The following CDH18 variants were observed in gnomAD, a reference collection of about 807,000 sequenced individuals.
CDH18 encodes cadherin 18.
CDH18 carries 31 observed loss-of-function variants against 67.9 expected under a neutral mutation model. That is an observed-to-expected ratio of 0.46 (90% CI 0.34 to 0.62). The LOEUF (loss-of-function observed/expected upper bound fraction) is 0.62. CDH18 is among the 20% of genes least tolerant of loss of function. The pLI is 0.01. For missense variants in CDH18, 890 were observed against 975.5 expected (o/e 0.91, Z 1.17); for synonymous variants, 362 against 347.2 (o/e 1.04, Z -0.48).
At chr5:19,733,118 G>C (rs925631321) in intron 4 of CDH18, among the ~76,000 whole-genome samples, 1 of 152,064 alleles carries the variant, frequency 6.6e-6, no homozygotes, top group African/African-American at 2.4e-5. Flanking sequence ...GAAATCCTAG[G>C]CATACCAGGG....
At chr5:20,494,920 G>A (rs897354781) in intron 1 of CDH18, among the ~76,000 whole-genome samples, 5 of 152,106 alleles carry the variant, frequency 3.3e-5, no homozygotes, top group East Asian at 1.9e-4. Flanking sequence ...AGGAGCATTC[G>A]GGGATAGAAT....
intron 3 of CDH18, among the ~76,000 whole-genome samples, chr5:19,747,798 T>A (rs1441950879): frequency 6.6e-6 from 1 of 151,642 alleles, no homozygotes; most frequent in Non-Finnish European, 1.5e-5. Flanking sequence ...AGGGCTTTGA[T>A]GTAGAATATT....
At chr5:20,384,938 G>C (rs1159800232) in intron 1 of CDH18, among the ~76,000 whole-genome samples, 1 of 152,142 alleles carries the variant, frequency 6.6e-6, no homozygotes, top group East Asian at 1.9e-4. Context: ...CCGGGTTCTA[G>C]TGATTCTCCT....
intron 7 of CDH18, among the ~76,000 whole-genome samples, chr5:19,583,828 T>C (rs543050438): frequency 1.3e-5 from 2 of 152,246 alleles, no homozygotes; most frequent in Admixed American, 1.3e-4. Flanking sequence ...AATGACAAGA[T>C]CAAGATTTAT....
intron 2 of CDH18, among the ~76,000 whole-genome samples, chr5:19,864,910 A>G (rs1785315853): frequency 6.6e-6 from 1 of 152,202 alleles, no homozygotes; most frequent in Non-Finnish European, 1.5e-5. Flanking sequence ...TGCACAACCA[A>G]CGACCAATGA....
intron 3 of CDH18, among the ~76,000 whole-genome samples, chr5:19,764,359 T>G (rs1772791409): frequency 6.6e-6 from 1 of 152,038 alleles, no homozygotes; most frequent in Non-Finnish European, 1.5e-5. Flanking sequence ...ACCCATAATT[T>G]GTTGGTAATT....
At chr5:20,003,702 C>A (rs931571140) in intron 2 of CDH18, among the ~76,000 whole-genome samples, 2 of 152,220 alleles carry the variant, frequency 1.3e-5, no homozygotes, top group African/African-American at 4.8e-5. Context: ...ACCATCCTGG[C>A]TAATACGGTG....
intron 2 of CDH18, among the ~76,000 whole-genome samples, chr5:19,896,911 T>A (rs1227344149): frequency 6.6e-6 from 1 of 152,118 alleles, no homozygotes; most frequent in African/African-American, 2.4e-5. Flanking sequence ...TTACCTTAGA[T>A]TTGCATGTGA....
chr5:19,534,159 G>C (rs1471633930), intron 9 of CDH18, among the ~76,000 whole-genome samples: 9 of 151,994 alleles, frequency 5.9e-5, no homozygotes, highest in Non-Finnish European at 1.0e-4. Context: ...TTAACCATGA[G>C]CAATAATAAA....
At chr5:19,801,618 C>G (rs1265875072) in intron 3 of CDH18, among the ~76,000 whole-genome samples, 1 of 152,302 alleles carries the variant, frequency 6.6e-6, no homozygotes, top group Admixed American at 6.5e-5. Flanking sequence ...CAGACACATA[C>G]TTTATTCATA....
chr5:20,263,834 T>A (rs77973726), intron 1 of CDH18, among the ~76,000 whole-genome samples: 22 of 152,166 alleles, frequency 1.4e-4, no homozygotes, highest in Middle Eastern at 6.9e-3. Flanking sequence ...TTCAACTACA[T>A]GTATGAATAA....
At chr5:19,782,850 C>T (rs1025987427) in intron 3 of CDH18, among the ~76,000 whole-genome samples, 1 of 152,134 alleles carries the variant, frequency 6.6e-6, no homozygotes, top group African/African-American at 2.4e-5. Context: ...AATCTTTCTA[C>T]AACTTAAGAC....
At position 20,116,716 on chromosome 5, in the gene CDH18, A is replaced by G. The variant is rs548669520; in HGVS notation, c.-517-124702T>C. On this transcript the variant is annotated intron_variant, in intron 2 of 14. Coordinates refer to the CDH18 transcript ENST00000507958. The stretch of plus-strand genomic sequence containing the variant: ...AAAGTAGCAAAAAATAAAATATACC[A>G]TAATCACAACATGACCAACAAAAGA... Among the ~76,000 whole-genome samples the G allele has an allele frequency of 1.4e-4, 22 of 152,286 alleles. No homozygotes were observed. The South Asian group carries it at 4.4e-3, about 30-fold the overall frequency.
Position 19,571,693 on chromosome 5 carries a change from G to A in CDH18, c.1139C>T (p.Pro380Leu), listed in dbSNP as rs1160470167. 6.2e-7 allele frequency: 1 copy of A among 1,613,804 alleles called. No homozygotes were observed. Among genetic ancestry groups the A allele is most frequent in the South Asian group, 1.1e-5 (1 of 91,074 alleles). Residue 380 changes from proline (P) to leucine (L), a missense_variant, in exon 8 of 13, where the codon CCA (proline) becomes CTA (leucine). Around this residue, in one of 2 missense-constraint regions of CDH18, gnomAD observed 656 missense variants for 668.1 expected, o/e 0.98. Transcript: ENST00000382275. The part of the protein sequence containing the change: ...LKIIVGDVDE[P>L]PLFSMPSYLM... ...GTAGGAAGGCATGGAAAATAGTGGT[G>A]GTTCATCTACATCCCCAACAATGAT...
chr5:20,355,579 T>C (rs1410903017), intron 1 of CDH18, among the ~76,000 whole-genome samples: 2 of 152,204 alleles, frequency 1.3e-5, no homozygotes, highest in Non-Finnish European at 2.9e-5. Flanking sequence ...AGAAAGTGTA[T>C]ATTGCTCATT....
intron 1 of CDH18, among the ~76,000 whole-genome samples, chr5:20,350,546 C>T (rs1351544267): frequency 6.6e-6 from 1 of 152,048 alleles, no homozygotes; most frequent in Non-Finnish European, 1.5e-5. Flanking sequence ...CCCAGCTTGC[C>T]AATATATACA....
intron 8 of CDH18, among the ~76,000 whole-genome samples, chr5:19,556,241 A>G (rs1738394180): frequency 6.6e-6 from 1 of 152,212 alleles, no homozygotes. Flanking sequence ...AGATCACACT[A>G]GATTATCAGC....
At chr5:20,357,653 A>C (rs529481530) in intron 1 of CDH18, among the ~76,000 whole-genome samples, 1 of 152,272 alleles carries the variant, frequency 6.6e-6, no homozygotes, top group African/African-American at 2.4e-5. Flanking sequence ...AAGGTGAAAA[A>C]ATACCAGATG....
intron 3 of CDH18, among the ~76,000 whole-genome samples, chr5:19,808,560 T>A (rs1778284256): frequency 6.6e-6 from 1 of 152,006 alleles, no homozygotes; most frequent in South Asian, 2.1e-4. Context: ...ATGCGGTGGC[T>A]CACGCTTATA....
Sources: gnomAD v4.1 joint callset for allele counts (sites outside exome capture counted in the v4.1 genomes callset) on GRCh38, gnomAD v4.1.1 for gene constraint, gnomAD v4.1.1 regional missense constraint, MANE v1.5 for transcripts, NCBI Gene and HGNC (gene_info 2026-07-23, HGNC 2026-07-21) for gene names.